Variants in STXBP4 observed in about 807,000 individuals in gnomAD.
STXBP4 encodes the protein syntaxin-binding protein 4.
A neutral mutation model predicts 76.1 loss-of-function variants in STXBP4; 55 were observed. The ratio of observed to expected loss-of-function variants is 0.72; its 90% confidence interval spans 0.58 to 0.91. The LOEUF is 0.91. Ranked by LOEUF, STXBP4 falls within the 40% of genes least tolerant of loss-of-function variation. The pLI is 0.00. For synonymous variants in STXBP4, 201 were observed against 220.2 expected (o/e 0.91, Z 0.77); for missense variants, 618 against 636.9 (o/e 0.97, Z 0.32).
At chr17:54,977,886 G>A (rs1429248403) in intron 1 of STXBP4, among the ~76,000 whole-genome samples, 2 of 152,124 alleles carry the variant, frequency 1.3e-5, no homozygotes, top group African/African-American at 4.8e-5. Context: ...TAAATAAATA[G>A]TAGGCATTTC....
At chr17:55,138,951 A>G (rs2080065069) in intron 16 of STXBP4, among the ~76,000 whole-genome samples, 1 of 152,092 alleles carries the variant, frequency 6.6e-6, no homozygotes, top group South Asian at 2.1e-4. Context: ...CTTTTATATA[A>G]TAGATTATAT....
intron 10 of STXBP4, among the ~76,000 whole-genome samples, chr17:55,040,176 T>C (rs777126831): frequency 3.3e-5 from 5 of 152,130 alleles, no homozygotes; most frequent in Non-Finnish European, 7.4e-5. Context: ...AAAAAAAGCC[T>C]TCAACAATGT....
intron 10 of STXBP4, among the ~76,000 whole-genome samples, chr17:55,039,740 A>T (rs909734910): frequency 5.3e-5 from 5 of 93,514 alleles, no homozygotes; most frequent in African/African-American, 1.7e-4. Context: ...AAGAATGAAT[A>T]AAAAAAAAAA....
At chr17:55,175,896 T>A (rs2080428320), downstream of STXBP4, among the ~76,000 whole-genome samples, 1 of 152,178 alleles carries the variant, frequency 6.6e-6, no homozygotes, top group Non-Finnish European at 1.5e-5. Context: ...CCCAAAAGCA[T>A]TCAGCAGGAG....
intron 12 of STXBP4, among the ~76,000 whole-genome samples, chr17:55,053,510 G>C (rs2078887515): frequency 6.6e-6 from 1 of 152,076 alleles, no homozygotes; most frequent in Non-Finnish European, 1.5e-5. Flanking sequence ...TCTCACTCAT[G>C]AACATGTTGG....
chr17:54,986,443 C>G (rs2077628024), intron 3 of STXBP4, among the ~76,000 whole-genome samples, 177 bp downstream of exon 3: 1 of 151,994 alleles, frequency 6.6e-6, no homozygotes, highest in African/African-American at 2.4e-5. Context: ...GTGTATAGAA[C>G]AAAATCTGCA....
chr17:55,211,971 C>T, the STXBP4 span, among the ~76,000 whole-genome samples: 3 of 150,746 alleles, frequency 2.0e-5, no homozygotes, highest in African/African-American at 7.3e-5. Context: ...CCACCATGCC[C>T]AGCTAATTTT....
chr17:55,202,545 G>A, the STXBP4 span, among the ~76,000 whole-genome samples: 1 of 151,998 alleles, frequency 6.6e-6, no homozygotes, highest in Non-Finnish European at 1.5e-5. Context: ...GGTTTAAAGG[G>A]TGTCTTGCTC....
chr17:55,110,069 C>T (rs1290491894), intron 16 of STXBP4, among the ~76,000 whole-genome samples: 1 of 152,144 alleles, frequency 6.6e-6, no homozygotes, highest in Non-Finnish European at 1.5e-5. Flanking sequence ...CTAGGAAATA[C>T]TCCATTTTCT....
At chr17:54,991,509 TTTGG>T (rs958546643) in intron 4 of STXBP4, 1 of 152,102 alleles carries the variant, frequency 6.6e-6, no homozygotes, top group African/African-American at 2.4e-5. Flanking sequence ...TCCCTTTCAC[TTTGG>T]TTGGTAGGAA....
chr17:54,983,505 T>C (rs1408954993), intron 1 of STXBP4, among the ~76,000 whole-genome samples: 6 of 152,184 alleles, frequency 3.9e-5, no homozygotes, highest in Non-Finnish European at 7.3e-5. Flanking sequence ...AGCAAGGTGT[T>C]ACTATTCTTA....
rs138222716 is a variant in STXBP4 at position 55,086,834 on chromosome 17, C to A, written c.1489+5651C>A. On this transcript the variant is annotated intron_variant, in intron 16 of 17. Transcript: ENST00000376352. ...AGTTCTATTTTTGTTTTTTGAGGAA[C>A]CTTTATACTGATCTCCATAGTGGCT... 2.2e-4 allele frequency among the ~76,000 whole-genome samples: 33 copies of A among 152,168 alleles called. No individual in the cohort carries two copies. The East Asian group carries it at 5.8e-3, about 27-fold the overall frequency.
intron 17 of STXBP4, among the ~76,000 whole-genome samples, chr17:55,145,209 T>C (rs1014612519): frequency 6.6e-6 from 1 of 152,254 alleles, no homozygotes; most frequent in African/African-American, 2.4e-5. Context: ...ATCTTCATTC[T>C]CTTACTACCC....
chr17:55,031,128 G>A, intron 8 of STXBP4, 40 bp from the exon 9 acceptor site: 1 of 1,479,956 alleles, frequency 6.8e-7, no homozygotes, highest in Non-Finnish European at 9.4e-7. Flanking sequence ...ATTCTTTGGA[G>A]ATTTGAAAAA....
intron 16 of STXBP4, among the ~76,000 whole-genome samples, chr17:55,107,575 T>C (rs1170293753): frequency 3.3e-5 from 5 of 152,204 alleles, no homozygotes; most frequent in Admixed American, 2.6e-4. Flanking sequence ...CTTCGTTTGA[T>C]GTTGGTGACC....
At chr17:55,184,319 TA>T in the STXBP4 span, among the ~76,000 whole-genome samples, 1 of 152,324 alleles carries the variant, frequency 6.6e-6, no homozygotes, top group South Asian at 2.1e-4. Context: ...TACTATTTTT[TA>T]AAAAGTTATT....
the STXBP4 span, among the ~76,000 whole-genome samples, chr17:55,205,672 A>G: frequency 1.3e-5 from 2 of 152,122 alleles, no homozygotes; most frequent in Non-Finnish European, 2.9e-5. Context: ...CATTGTATTA[A>G]AAAAATCTGA....
chr17:55,078,335 A>T lies in STXBP4; in HGVS notation c.1305+141A>T, dbSNP rs536533892. On this transcript the variant is annotated intron_variant, in intron 14 of 17. Coordinates refer to ENST00000376352, the MANE Select transcript of STXBP4 (RefSeq NM_178509.6). ...ATGCTGGCTTATGGTCAGATTTAGA[A>T]CTGCATACATGATGAAAAGACTGGC... 1.2e-5 allele frequency: 7 copies of T among 608,494 alleles called. No homozygotes were observed. In the African/African-American group the frequency reaches 1.3e-4, roughly 11 times the overall value. 37.7% of individuals were successfully genotyped at this position (608,494 alleles called of 1,614,324 possible). A position where few individuals can be genotyped will look rare whatever the true frequency, so the allele number is the denominator to read the frequency against.
At chr17:55,116,874 C>T (rs1463353475) in intron 16 of STXBP4, among the ~76,000 whole-genome samples, 1 of 151,550 alleles carries the variant, frequency 6.6e-6, no homozygotes, top group Non-Finnish European at 1.5e-5. Context: ...TGCACACCTA[C>T]CACTAATAAT....
Sources: gnomAD v4.1 joint callset for allele counts (sites outside exome capture counted in the v4.1 genomes callset) on GRCh38, gnomAD v4.1.1 for gene constraint, MANE v1.5 for transcripts, NCBI Gene and HGNC (gene_info 2026-07-23, HGNC 2026-07-21) for gene names.